Variants in MSRA observed in about 807,000 individuals in gnomAD.
The protein encoded by MSRA is methionine sulfoxide reductase A.
In MSRA, 54 loss-of-function variants were observed where a neutral mutation model predicts 31.3. That is an observed-to-expected ratio of 1.73 (90% CI 1.39 to 2.17). The LOEUF is 2.17. Among genes scored for constraint, MSRA ranks in the 30% most tolerant of loss-of-function variants. The pLI is 0.00. For missense variants in MSRA, 507 were observed against 300.9 expected, an observed-to-expected ratio of 1.69 and a Z score of -5.07; for synonymous variants, 169 against 116.5, an observed-to-expected ratio of 1.45 and a Z score of -2.90.
chr8:10,145,299 A>G (rs1803046739), intron 1 of MSRA, among the ~76,000 whole-genome samples: 1 of 152,196 alleles, frequency 6.6e-6, no homozygotes, highest in Non-Finnish European at 1.5e-5. Context: ...ATAGCTTTGC[A>G]TTAGAAAAGA....
In MSRA at chr8:10,428,783, C is replaced by T. The variant is rs988955838; in HGVS notation, c.*471C>T. The stretch of plus-strand genomic sequence containing the variant: ...AAGGGGCTTTCTCTCCCTTTTCAGC[C>T]CTCTCTGTGCAGAGAAAAGATGTGA... On this transcript the variant is annotated 3_prime_UTR_variant, in exon 6 of 6. Coordinates refer to ENST00000317173, the MANE Select transcript of MSRA (RefSeq NM_012331.5). 1 of 172,144 alleles carries T rather than the reference C, an allele frequency of 5.8e-6. No homozygotes were observed. The highest frequency in any genetic ancestry group is 1.2e-5 in the Non-Finnish European group (1 of 82,720). The allele number at this position is 172,144 out of a possible 1,614,324, so 10.7% of individuals were successfully genotyped here.
At chr8:10,393,022 G>T (rs1478086745) in intron 5 of MSRA, among the ~76,000 whole-genome samples, 3 of 138,034 alleles carry the variant, frequency 2.2e-5, no homozygotes, top group East Asian at 4.1e-4. Flanking sequence ...AGATAGCGCC[G>T]CTGCACTCCA....
intron 1 of MSRA, among the ~76,000 whole-genome samples, chr8:10,079,048 C>G (rs1180028269): frequency 6.6e-6 from 1 of 152,226 alleles, no homozygotes; most frequent in Admixed American, 6.5e-5. Context: ...AGGATCCTAC[C>G]TGGAGGTTCT....
At chr8:10,145,503 C>A (rs1373542997) in intron 1 of MSRA, among the ~76,000 whole-genome samples, 1 of 152,182 alleles carries the variant, frequency 6.6e-6, no homozygotes. Context: ...AATTCATTTT[C>A]TACTGCCCGG....
intron 3 of MSRA, among the ~76,000 whole-genome samples, chr8:10,291,077 T>C (rs577179814): frequency 4.1e-4 from 63 of 152,312 alleles, no homozygotes; most frequent in African/African-American, 1.4e-3. Context: ...CTATCCTAGT[T>C]ACCTACTTCT....
At chr8:10,327,021 TC>T (rs1452769147) in intron 5 of MSRA, among the ~76,000 whole-genome samples, 1 of 152,188 alleles carries the variant, frequency 6.6e-6, no homozygotes, top group African/African-American at 2.4e-5. Flanking sequence ...ATGACCTGGC[TC>T]CTTCTGCCAG....
intron 1 of MSRA, among the ~76,000 whole-genome samples, chr8:10,099,290 G>A (rs532457290): frequency 2.0e-5 from 3 of 152,308 alleles, no homozygotes; most frequent in East Asian, 3.9e-4. Context: ...GGTGGCCCAT[G>A]GAATGGAGAT....
At position 10,245,094 on chromosome 8, in the gene MSRA, CT is replaced by C; in HGVS notation, c.212-4del. ...TCAGTATCCTTTTTTTTTCTTTTTTCTTTTTTAAGGAATGGGATGTTTCTGG... is the reference window on the plus strand; with the variant it reads ...TCAGTATCCTTTTTTTTTCTTTTTTCTTTTTAAGGAATGGGATGTTTCTGG... On this transcript the variant is annotated splice_polypyrimidine_tract_variant and intron_variant, in intron 2 of 5. Coordinates refer to ENST00000317173, the MANE Select transcript of MSRA (RefSeq NM_012331.5). The C allele has an allele frequency of 6.4e-7, 1 of 1,552,174 alleles. No homozygotes were observed.
chr8:10,099,139 G>T (rs1049941850), intron 1 of MSRA, among the ~76,000 whole-genome samples: 1 of 152,170 alleles, frequency 6.6e-6, no homozygotes, highest in African/African-American at 2.4e-5. Context: ...ATTTAACTCA[G>T]TGGCCTAAGT....
chr8:10,355,006 G>C (rs1242677643), intron 5 of MSRA, among the ~76,000 whole-genome samples: 4 of 152,150 alleles, frequency 2.6e-5, no homozygotes, highest in African/African-American at 9.7e-5. Flanking sequence ...CTACATATAT[G>C]CATGTGCAAA....
rs1039273712 is a variant in MSRA, at chr8:10,087,458, G to A, written c.142+32800G>A. On this transcript the variant is annotated intron_variant, in intron 1 of 5. Coordinates refer to ENST00000317173, the MANE Select transcript of MSRA (RefSeq NM_012331.5). ...CAGAGAGTGCTGGAGAGAATTGTTC[G>A]AGTGAATGGATGTGTCTAACACTGA... Among the ~76,000 whole-genome samples the A allele has an allele frequency of 8.5e-5, 13 of 152,306 alleles. No individual in the cohort carries two copies. In the East Asian group the frequency reaches 1.5e-3, roughly 18 times the overall value.
chr8:10,372,156 G>C (rs1312430102), intron 5 of MSRA, among the ~76,000 whole-genome samples: 5 of 152,140 alleles, frequency 3.3e-5, no homozygotes, highest in Non-Finnish European at 5.9e-5. Context: ...TTCTCACCAG[G>C]CAGGGCCTTC....
At chr8:10,350,910 G>C (rs1477683484) in intron 5 of MSRA, among the ~76,000 whole-genome samples, 4 of 152,220 alleles carry the variant, frequency 2.6e-5, no homozygotes, top group Non-Finnish European at 5.9e-5. Flanking sequence ...AAGGCCGCCA[G>C]AGGGCTTCCT....
chr8:10,182,864 C>T (rs1175740217), intron 1 of MSRA, among the ~76,000 whole-genome samples: 2 of 152,166 alleles, frequency 1.3e-5, no homozygotes, highest in Admixed American at 6.5e-5. Context: ...CTCAGTGTTG[C>T]CATGTTCTAT....
chr8:10,351,349 G>A (rs1804135085), intron 5 of MSRA, among the ~76,000 whole-genome samples: 2 of 150,360 alleles, frequency 1.3e-5, no homozygotes, highest in East Asian at 2.0e-4. Flanking sequence ...TGCCTCTTGG[G>A]TTCAAGCGAT....
chr8:10,193,587 C>T (rs754577364), intron 1 of MSRA, among the ~76,000 whole-genome samples: 1 of 152,156 alleles, frequency 6.6e-6, no homozygotes, highest in Admixed American at 6.5e-5. Context: ...GTTTAAAGAG[C>T]CACTACCATC....
intron 1 of MSRA, among the ~76,000 whole-genome samples, chr8:10,182,440 C>A (rs1332223803): frequency 6.6e-6 from 1 of 152,182 alleles, no homozygotes; most frequent in Non-Finnish European, 1.5e-5. Context: ...ACTTCAGAGT[C>A]TCTCACAAGG....
chr8:10,415,861 T>A (rs1387785890), intron 5 of MSRA, among the ~76,000 whole-genome samples: 2 of 151,880 alleles, frequency 1.3e-5, no homozygotes, highest in African/African-American at 2.4e-5. Flanking sequence ...AGTGCCCACC[T>A]CCTCCTGCAA....
chr8:10,258,188 A>G (rs769251023), intron 3 of MSRA, among the ~76,000 whole-genome samples: 9 of 152,310 alleles, frequency 5.9e-5, no homozygotes, highest in Admixed American at 1.3e-4. Flanking sequence ...AGTAAGCGGC[A>G]GAGCCAGAAT....
Sources: gnomAD v4.1 joint callset for allele counts (sites outside exome capture counted in the v4.1 genomes callset) on GRCh38, gnomAD v4.1.1 for gene constraint, MANE v1.5 for transcripts, NCBI Gene and HGNC (gene_info 2026-07-23, HGNC 2026-07-21) for gene names.